Variants in USH2A observed in about 807,000 individuals in gnomAD.
USH2A encodes Usher syndrome 2A (autosomal recessive, mild).
In USH2A, 443 loss-of-function variants were observed where a neutral mutation model predicts 538.9. The observed-to-expected ratio is 0.82, with a 90% confidence interval of 0.76 to 0.89. The LOEUF is 0.89. USH2A is among the 40% of genes least tolerant of loss of function. USH2A has a pLI of 0.00. For synonymous variants in USH2A, 2,413 were observed against 2,273.5 expected, an observed-to-expected ratio of 1.06 and a Z score of -1.75; for missense variants, 6,633 against 6,324.8, an observed-to-expected ratio of 1.05 and a Z score of -1.65.
chr1:216,015,727 G>T (rs908805293), intron 32 of USH2A, among the ~76,000 whole-genome samples: 18 of 152,124 alleles, frequency 1.2e-4, no homozygotes, highest in African/African-American at 4.3e-4. Context: ...GTGTGAGATG[G>T]TATCTCATTG....
intron 14 of USH2A, among the ~76,000 whole-genome samples, chr1:216,222,980 GAAAAA>G (rs68139217): frequency 3.6e-5 from 4 of 112,014 alleles, no homozygotes; most frequent in Non-Finnish European, 7.3e-5. Flanking sequence ...CTCCATCTCA[GAAAAA>G]AAAAAAAAAA....
intron 69 of USH2A, among the ~76,000 whole-genome samples, chr1:215,637,781 AAT>A (rs869171831): frequency 6.1e-4 from 93 of 152,248 alleles, no homozygotes; most frequent in African/African-American, 2.2e-3. Flanking sequence ...AATTAAAAAA[AAT>A]TTTTTTTTTA....
intron 11 of USH2A, among the ~76,000 whole-genome samples, chr1:216,260,134 T>C (rs917670876): frequency 6.6e-6 from 1 of 152,062 alleles, no homozygotes; most frequent in African/African-American, 2.4e-5. Context: ...AAAATAGGAA[T>C]TTTAAAAAAT....
intron 47 of USH2A, among the ~76,000 whole-genome samples, chr1:215,829,429 T>G (rs1663250549): frequency 6.6e-6 from 1 of 152,144 alleles, no homozygotes; most frequent in South Asian, 2.1e-4. Flanking sequence ...ATGAGTTAAA[T>G]TTTACTGACT....
intron 20 of USH2A, among the ~76,000 whole-genome samples, chr1:216,186,552 TTC>T (rs2034608439): frequency 6.6e-6 from 1 of 151,954 alleles, no homozygotes; most frequent in South Asian, 2.1e-4. Flanking sequence ...CTAAGGTGTT[TTC>T]TTTGGGCTTC....
At chr1:215,772,332 T>C (rs185348351) in intron 55 of USH2A, among the ~76,000 whole-genome samples, 25 of 152,246 alleles carry the variant, frequency 1.6e-4, no homozygotes, top group Admixed American at 3.3e-4. Context: ...GTGCTCAGCA[T>C]TGAATTAGAA....
chr1:215,990,079 C>T (rs2102474003), intron 35 of USH2A, among the ~76,000 whole-genome samples: 1 of 152,260 alleles, frequency 6.6e-6, no homozygotes, highest in East Asian at 1.9e-4. Context: ...CTATCTTATT[C>T]TCCAATTGTA....
chr1:216,315,544 A>G (rs2037490920), intron 9 of USH2A, among the ~76,000 whole-genome samples: 1 of 152,162 alleles, frequency 6.6e-6, no homozygotes, highest in African/African-American at 2.4e-5. Context: ...CACAGGGTAC[A>G]CATATGCCAA....
intron 4 of USH2A, among the ~76,000 whole-genome samples, chr1:216,342,896 C>T (rs1201723456): frequency 6.6e-6 from 1 of 151,936 alleles, no homozygotes; most frequent in African/African-American, 2.4e-5. Context: ...GGGCTTAAAA[C>T]CTAGATGACA....
chr1:216,241,179 C>T (rs1321341081), intron 13 of USH2A, among the ~76,000 whole-genome samples: 3 of 151,956 alleles, frequency 2.0e-5, no homozygotes, highest in African/African-American at 4.8e-5. Context: ...AGGAGCTAAA[C>T]ATTCATCTTC....
intron 19 of USH2A, among the ~76,000 whole-genome samples, chr1:216,192,021 T>C (rs1429844842): frequency 6.6e-6 from 1 of 152,098 alleles, no homozygotes; most frequent in African/African-American, 2.4e-5. Context: ...ATAGACTTTG[T>C]CTTTATCATG....
intron 47 of USH2A, among the ~76,000 whole-genome samples, chr1:215,837,608 A>T (rs1663567955): frequency 6.6e-6 from 1 of 152,172 alleles, no homozygotes; most frequent in Non-Finnish European, 1.5e-5. Context: ...TTCTAGCTTT[A>T]GGGCACTCTG....
At chr1:216,189,894 A>G (rs370839604) in intron 20 of USH2A, among the ~76,000 whole-genome samples, 13 of 152,020 alleles carry the variant, frequency 8.6e-5, no homozygotes, top group African/African-American at 3.1e-4. Flanking sequence ...GAGTCACGCT[A>G]CAACTAATTA....
intron 30 of USH2A, among the ~76,000 whole-genome samples, chr1:216,067,802 C>T (rs559124140): frequency 3.2e-4 from 48 of 152,036 alleles, no homozygotes; most frequent in African/African-American, 9.9e-4. Context: ...TGTGTCCAAA[C>T]GCCTATTGGA....
chr1:215,943,913 T>C (rs1666696750), intron 37 of USH2A, among the ~76,000 whole-genome samples: 1 of 152,202 alleles, frequency 6.6e-6, no homozygotes, highest in African/African-American at 2.4e-5. Context: ...GAATCACCCA[T>C]GAATTGAGAC....
At chr1:216,230,916 A>G in intron 14 of USH2A, among the ~76,000 whole-genome samples, 1 of 151,682 alleles carries the variant, frequency 6.6e-6, no homozygotes, top group Non-Finnish European at 1.5e-5. Flanking sequence ...ACACACACAC[A>G]CAGACACAGA....
intron 32 of USH2A, among the ~76,000 whole-genome samples, chr1:216,031,404 A>G (rs928927163): frequency 6.6e-6 from 1 of 152,206 alleles, no homozygotes; most frequent in African/African-American, 2.4e-5. Flanking sequence ...ATTTAAAATA[A>G]GCAGATTTTA....
intron 3 of USH2A, among the ~76,000 whole-genome samples, chr1:216,386,191 G>C (rs1390462133): frequency 6.6e-6 from 1 of 152,088 alleles, no homozygotes; most frequent in Non-Finnish European, 1.5e-5. Context: ...ATAAATAGAA[G>C]TTATTAAAAA....
chr1:216,182,443 C>T (rs1010673033), intron 20 of USH2A, among the ~76,000 whole-genome samples: 8 of 152,016 alleles, frequency 5.3e-5, no homozygotes, highest in African/African-American at 1.2e-4. Context: ...CTGATAAAGT[C>T]GCATATCTAA....
Sources: gnomAD v4.1 joint callset for allele counts (sites outside exome capture counted in the v4.1 genomes callset) on GRCh38, gnomAD v4.1.1 for gene constraint, MANE v1.5 for transcripts, NCBI Gene and HGNC (gene_info 2026-07-23, HGNC 2026-07-21) for gene names.